The following PTPRM variants were observed in gnomAD, a reference collection of about 807,000 sequenced individuals.
PTPRM encodes the protein receptor-type tyrosine-protein phosphatase mu.
Under a neutral mutation model 186.7 loss-of-function variants are expected in PTPRM, and 47 were observed. The observed-to-expected ratio is 0.25, with a 90% CI of 0.20 to 0.32. The LOEUF is 0.32. Among genes scored for constraint, PTPRM ranks in the 10% least tolerant of loss-of-function variants. PTPRM has a pLI of 1.00. For missense variants in PTPRM, 1,494 were observed against 1,865.0 expected (o/e 0.80, Z 3.66); for synonymous variants, 668 against 674.9 (o/e 0.99, Z 0.16).
intron 19 of PTPRM, among the ~76,000 whole-genome samples, chr18:8,293,234 T>A (rs1213166804): frequency 6.6e-6 from 1 of 152,250 alleles, no homozygotes; most frequent in Non-Finnish European, 1.5e-5. Context: ...TTGATTTGTG[T>A]CTGTTTCTTG....
chr18:7,677,547 C>T (rs1403280292), intron 1 of PTPRM, among the ~76,000 whole-genome samples: 1 of 152,170 alleles, frequency 6.6e-6, no homozygotes. Flanking sequence ...TGATGAATGT[C>T]ATACTGATTG....
At chr18:7,592,318 A>G (rs2037147775) in intron 1 of PTPRM, among the ~76,000 whole-genome samples, 1 of 152,196 alleles carries the variant, frequency 6.6e-6, no homozygotes, top group East Asian at 1.9e-4. Context: ...AAATAGGGCA[A>G]ATAGAACAAA....
rs182426810 is a variant in PTPRM at position 7,845,751 on chromosome 18, G to A, written c.197-42355G>A. 3.3e-3 allele frequency among the ~76,000 whole-genome samples: 507 copies of A among 152,210 alleles called. 15 individuals carry two copies. The highest frequency in any genetic ancestry group is 0.03 in the Admixed American group (459 of 15,294). On this transcript the variant is annotated intron_variant, in intron 2 of 32. Transcript: ENST00000580170. ...CCTTATCTTTCTTTCCAGAGTCTCT[G>A]TGGTGGTCCTCCGTGTCCATACATA...
intron 1 of PTPRM, among the ~76,000 whole-genome samples, chr18:7,694,583 T>C (rs6506527): frequency 0.64 from 96,516 of 151,794 alleles, 32,546 homozygotes; most frequent in East Asian, 0.99. Flanking sequence ...CCCACCACCA[T>C]GCCTGGCTAA....
At position 8,378,245 on chromosome 18, in the gene PTPRM, C is replaced by T. The variant is rs117322547; in HGVS notation, c.3463-20C>T. 29 of 1,597,142 alleles carry T rather than the reference C, an allele frequency of 1.8e-5. 1 individual carries two copies. In the East Asian group the frequency reaches 3.8e-4, roughly 21 times the overall value. ...CTCTGGTTCTCTAAAGTTAGTAACTCGTTCCATCTCCTTCTCCAGGAGCAG... is the reference window on the plus strand; with the variant it reads ...CTCTGGTTCTCTAAAGTTAGTAACTTGTTCCATCTCCTTCTCCAGGAGCAG... On this transcript the variant is annotated intron_variant, in intron 26 of 32. Coordinates refer to ENST00000580170, the MANE Select transcript of PTPRM (RefSeq NM_001105244.2).
intron 7 of PTPRM, among the ~76,000 whole-genome samples, chr18:7,957,527 G>T (rs566433623): frequency 3.3e-5 from 5 of 152,176 alleles, no homozygotes; most frequent in Non-Finnish European, 7.3e-5. Context: ...TGTTCGTGAT[G>T]CATGGTCTGG....
chr18:8,301,392 C>G (rs2095156181), intron 20 of PTPRM, among the ~76,000 whole-genome samples: 1 of 152,152 alleles, frequency 6.6e-6, no homozygotes, highest in African/African-American at 2.4e-5. Context: ...ATACTCTCAA[C>G]AGTTCCTAAT....
intron 2 of PTPRM, among the ~76,000 whole-genome samples, chr18:7,780,282 A>G (rs2042791716): frequency 6.6e-6 from 1 of 152,192 alleles, no homozygotes; most frequent in Non-Finnish European, 1.5e-5. Context: ...CTCATTTTAC[A>G]ACATAGGAAA....
intron 11 of PTPRM, among the ~76,000 whole-genome samples, chr18:8,102,922 G>A (rs773581363): frequency 6.6e-6 from 1 of 152,228 alleles, no homozygotes; most frequent in Non-Finnish European, 1.5e-5. Context: ...CAAAATGGAT[G>A]TCATGTTAGA....
In PTPRM at chr18:7,746,529, G is replaced by A. The variant is rs553196763; in HGVS notation, c.74-27620G>A. ...CGCCCAAGCCGGAGTGTAGTGGTGCGATCTTGGCTCACTGCAACCTCTGCC... is the reference window on the plus strand; with the variant it reads ...CGCCCAAGCCGGAGTGTAGTGGTGCAATCTTGGCTCACTGCAACCTCTGCC... On this transcript the variant is annotated intron_variant, in intron 1 of 32. Coordinates refer to ENST00000580170, the MANE Select transcript of PTPRM (RefSeq NM_001105244.2). Among the ~76,000 whole-genome samples the A allele has an allele frequency of 7.9e-5, 12 of 151,900 alleles. No homozygotes were observed. In the South Asian group the frequency reaches 1.2e-3, roughly 16 times the overall value.
Position 7,776,926 on chromosome 18 carries a change from T to G in PTPRM, c.196+2655T>G, listed in dbSNP as rs556561267. Among the ~76,000 whole-genome samples, 82 of 152,326 alleles carry G rather than the reference T, an allele frequency of 5.4e-4. 1 individual carries two copies. The highest frequency in any genetic ancestry group is 5.3e-3 in the Admixed American group (81 of 15,302). ...ATTTTTAAACTGAGTTTCCAATATGTATATACAGCCATAAGTTTTAAATGC... is the reference window on the plus strand; with the variant it reads ...ATTTTTAAACTGAGTTTCCAATATGGATATACAGCCATAAGTTTTAAATGC... On this transcript the variant is annotated intron_variant, in intron 2 of 32. Coordinates refer to ENST00000580170, the MANE Select transcript of PTPRM (RefSeq NM_001105244.2).
At chr18:7,938,860 C>A (rs1449477858) in intron 5 of PTPRM, among the ~76,000 whole-genome samples, 2 of 152,060 alleles carry the variant, frequency 1.3e-5, no homozygotes, top group African/African-American at 4.8e-5. Context: ...ATTCATTAGC[C>A]AACTTAACGT....
intron 1 of PTPRM, among the ~76,000 whole-genome samples, chr18:7,763,364 C>T (rs2041869160): frequency 2.0e-5 from 3 of 152,130 alleles, no homozygotes; most frequent in African/African-American, 4.8e-5. Flanking sequence ...TTGTTTGGAG[C>T]GTAAGATTGT....
chr18:7,700,816 C>T (rs2039943481), intron 1 of PTPRM, among the ~76,000 whole-genome samples: 1 of 151,332 alleles, frequency 6.6e-6, no homozygotes, highest in African/African-American at 2.4e-5. Flanking sequence ...TATGGCGAAA[C>T]CCATGTCTAC....
chr18:8,325,666 A>G (rs1190377242), intron 22 of PTPRM, among the ~76,000 whole-genome samples: 1 of 152,134 alleles, frequency 6.6e-6, no homozygotes, highest in African/African-American at 2.4e-5. Context: ...ATCATATAGA[A>G]TGATTTATTT....
chr18:7,727,020 GT>G (rs2040563056), intron 1 of PTPRM, among the ~76,000 whole-genome samples: 1 of 152,006 alleles, frequency 6.6e-6, no homozygotes, highest in Non-Finnish European at 1.5e-5. Flanking sequence ...AACTTCAATA[GT>G]TTTGTTGTTC....
At chr18:8,144,300 C>T (rs2092831021) in intron 14 of PTPRM, among the ~76,000 whole-genome samples, 1 of 152,162 alleles carries the variant, frequency 6.6e-6, no homozygotes, top group Non-Finnish European at 1.5e-5. Context: ...GGGAGCAGCT[C>T]GTGTTAGAAC....
At chr18:8,383,247 G>A (rs1026398698) in intron 29 of PTPRM, among the ~76,000 whole-genome samples, 2 of 121,550 alleles carry the variant, frequency 1.6e-5, no homozygotes, top group Admixed American at 1.0e-4. Flanking sequence ...GTGGTGAGCC[G>A]AGATCACACC....
intron 20 of PTPRM, among the ~76,000 whole-genome samples, chr18:8,301,624 C>G (rs1052452446): frequency 1.3e-5 from 2 of 152,262 alleles, no homozygotes; most frequent in African/African-American, 4.8e-5. Flanking sequence ...GTCATTCTTT[C>G]AACAGATATT....
Sources: gnomAD v4.1 joint callset for allele counts (sites outside exome capture counted in the v4.1 genomes callset) on GRCh38, gnomAD v4.1.1 for gene constraint, MANE v1.5 for transcripts, NCBI Gene and HGNC (gene_info 2026-07-23, HGNC 2026-07-21) for gene names.